Variants in WDCP observed in about 807,000 individuals in gnomAD.
The protein encoded by WDCP is WD repeat and coiled-coil-containing protein.
Under a neutral mutation model 41.6 loss-of-function variants are expected in WDCP, and 19 were observed. The ratio of observed to expected loss-of-function variants is 0.46; its 90% CI spans 0.32 to 0.67. The LOEUF (loss-of-function observed/expected upper bound fraction) is 0.67. Ranked by LOEUF, WDCP falls within the 30% of genes least tolerant of loss-of-function variation. The pLI is 0.04. For missense variants in WDCP, 802 were observed against 850.7 expected, an observed-to-expected ratio of 0.94 and a Z score of 0.71; for synonymous variants, 302 against 320.8, an observed-to-expected ratio of 0.94 and a Z score of 0.63.
Position 24,038,557 on chromosome 2 carries a change from C to A in WDCP, c.938G>T (p.Gly313Val), listed in dbSNP as rs1012009007. ...LRKKDYLTGTGQDSSHLVLVT... is the reference protein window; with the variant it reads ...LRKKDYLTGTVQDSSHLVLVT... ...AAGGACCAAATGTGAAGAATCTTGG[C>A]CAGTTCCTGTCAAGTAGTCCTTTTT... Residue 313 changes from glycine (G) to valine (V), a missense_variant, in exon 2 of 4, where the codon GGC becomes GTC. By Grantham distance (109) the Gly-to-Val change is moderately radical. This residue lies in a region of WDCP where 247 missense variants were observed against 240.5 expected (regional missense o/e 1.03). Transcript: ENST00000295148. 42 of 1,614,068 alleles carry A rather than the reference C, an allele frequency of 2.6e-5. No individual in the cohort carries two copies.
At chr2:24,034,510 C>G (rs1222269030) in intron 2 of WDCP, among the ~76,000 whole-genome samples, 2 of 151,056 alleles carry the variant, frequency 1.3e-5, no homozygotes. Flanking sequence ...TAACTACTGA[C>G]AACAGCTTGG....
chr2:24,036,532 A>G (rs543187997), intron 2 of WDCP, among the ~76,000 whole-genome samples: 7 of 152,346 alleles, frequency 4.6e-5, no homozygotes, highest in East Asian at 1.9e-4. Context: ...TGGTAACTCA[A>G]TTAAAAGTAG....
At position 24,030,807 on chromosome 2, in the gene WDCP, G is replaced by A. The variant is rs1663077803; in HGVS notation, c.*126C>T. 9.8e-6 allele frequency: 7 copies of A among 712,728 alleles called. No individual in the cohort carries two copies. In the Admixed American group the frequency reaches 1.4e-4, roughly 15 times the overall value. The allele number at this position is 712,728 out of a possible 1,614,324, so 44.2% of individuals were successfully genotyped here. A position where few individuals can be genotyped will look rare whatever the true frequency, so the allele number is the denominator to read the frequency against. On this transcript the variant is annotated 3_prime_UTR_variant, in exon 4 of 4. Coordinates refer to ENST00000295148, the MANE Select transcript of WDCP (RefSeq NM_025203.3). ...CAGGGGAAACAGGGGGAAACCAGGAGAGCCGACCATGGCAAGCGCTTCGCC... is the reference window on the plus strand; with the variant it reads ...CAGGGGAAACAGGGGGAAACCAGGAAAGCCGACCATGGCAAGCGCTTCGCC...
intron 2 of WDCP, among the ~76,000 whole-genome samples, chr2:24,034,885 G>A (rs1663197267): frequency 2.0e-5 from 3 of 151,874 alleles, no homozygotes; most frequent in Admixed American, 6.6e-5. Flanking sequence ...AAACATGGTT[G>A]TTTTAACCTT....
At chr2:24,037,395 AT>A (rs975402103) in intron 2 of WDCP, among the ~76,000 whole-genome samples, 1 of 152,042 alleles carries the variant, frequency 6.6e-6, no homozygotes, top group African/African-American at 2.4e-5. Flanking sequence ...AAATAACATG[AT>A]TTTTTTTCTA....
At position 24,038,900 on chromosome 2, in the gene WDCP, C is replaced by T. The variant is rs1222586043; in HGVS notation, c.595G>A (p.Val199Met). ...CAGACGTGGCTGTCCACATCAAACA[C>T]CAGGCAGGAGGAGCACCTGTGAAGA... is the stretch of plus-strand genomic sequence containing the variant. ...KTLHRCSSCL[V>M]FDVDSHVCSI... is the part of the protein sequence containing the mutation. The change falls in exon 2 of 4, where the codon GTG (valine) becomes ATG (methionine). Residue 199 changes from valine to methionine, a missense_variant. Val to Met is a conservative substitution (Grantham distance 21). Around this residue, in one of 5 missense-constraint regions of WDCP, gnomAD observed 214 missense variants for 252.9 expected, o/e 0.85. Transcript: ENST00000295148. 3 of 1,614,084 alleles carry T rather than the reference C, an allele frequency of 1.9e-6. No homozygotes were observed. The highest frequency in any genetic ancestry group is 1.7e-5 in the Admixed American group (1 of 60,004).
chr2:24,045,399 C>T (rs1294859051), intron 1 of WDCP, among the ~76,000 whole-genome samples: 3 of 151,624 alleles, frequency 2.0e-5, no homozygotes, highest in Non-Finnish European at 2.9e-5. Context: ...GTCAGGAGTT[C>T]GACACCACCC....
intron 2 of WDCP, among the ~76,000 whole-genome samples, chr2:24,037,289 C>T (rs1663285083): frequency 1.3e-5 from 2 of 152,210 alleles, no homozygotes; most frequent in Non-Finnish European, 2.9e-5. Context: ...TCCCAAAGTG[C>T]TAGGATTACA....
At position 24,038,907 on chromosome 2, in the gene WDCP, G is replaced by C. The variant is rs762610244; in HGVS notation, c.588C>G (p.Ser196=). 1 of 1,614,210 alleles carries C rather than the reference G, an allele frequency of 6.2e-7. No individual in the cohort carries two copies. Among genetic ancestry groups the C allele is most frequent in the South Asian group, 1.1e-5 (1 of 91,086 alleles). ...GGCTGTCCACATCAAACACCAGGCA[G>C]GAGGAGCACCTGTGAAGAGTCTTCT... ...SAQKTLHRCS[S]CLVFDVDSHV... Residue 196 remains serine (S), a synonymous_variant, in exon 2 of 4, where the codon TCC becomes TCG. Transcript: ENST00000295148.
rs1407129872 is a variant in WDCP, at chr2:24,038,301, T to C, written c.1194A>G (p.Leu398=). 23 of 1,614,072 alleles carry C rather than the reference T, an allele frequency of 1.4e-5. No homozygotes were observed. Among genetic ancestry groups the C allele is most frequent in the Non-Finnish European group, 1.9e-5 (23 of 1,180,032 alleles). The change falls in exon 2 of 4, where the codon CTA becomes CTG. Residue 398 remains leucine, a synonymous_variant. Coordinates refer to ENST00000295148, the MANE Select transcript of WDCP (RefSeq NM_025203.3). ...PKGICFLTDQ[L]LLILVGKQKL... ...TTTGTTTTCCTACCAAAATTAGTAA[T>C]AGTTGGTCTGTCAAGAAACATATCC... is the stretch of plus-strand genomic sequence containing the variant.
chr2:24,033,058 T>C (rs1663144780), intron 2 of WDCP, 112 bp from the exon 3 acceptor site: 1 of 741,336 alleles, frequency 1.3e-6, no homozygotes, highest in South Asian at 1.5e-5. Context: ...CTATTACCAC[T>C]AATCAACTGG....
Position 24,030,857 on chromosome 2 carries a change from C to A in WDCP, c.*76G>T. ...CTGAGTGCAGTGGGAGTCTCATTGG[C>A]GAGTGTCCAGTGTCAAGCAGGCCTT... On this transcript the variant is annotated 3_prime_UTR_variant, in exon 4 of 4. Transcript: ENST00000295148. 8.8e-7 allele frequency: 1 copy of A among 1,138,352 alleles called. No individual in the cohort carries two copies. The highest frequency in any genetic ancestry group is 1.4e-5 in the South Asian group (1 of 69,890). The allele number at this position is 1,138,352 out of a possible 1,614,324, so 70.5% of individuals were successfully genotyped here.
intron 1 of WDCP, among the ~76,000 whole-genome samples, chr2:24,043,769 T>C (rs1663525829): frequency 6.6e-6 from 1 of 152,250 alleles, no homozygotes. Context: ...CTTGAGAAGT[T>C]GTCTTCAGAC....
chr2:24,042,078 C>G (rs1663458911), intron 1 of WDCP, among the ~76,000 whole-genome samples: 1 of 151,908 alleles, frequency 6.6e-6, no homozygotes, highest in Admixed American at 6.6e-5. Context: ...TAAAATGTTG[C>G]AATAATAAAC....
Position 24,031,011 on chromosome 2 carries a change from A to G in WDCP, c.2088T>C (p.Ser696=). The change falls in exon 4 of 4, where the codon TCT becomes TCC. Residue 696 remains serine (S), a synonymous_variant. Coordinates refer to ENST00000295148, the MANE Select transcript of WDCP (RefSeq NM_025203.3). Reference sequence around the variant, plus strand: ...CAGCAAGGCCTGTAAAGACTTTAAGAGAAGAAACAGCACCTGGACTGTGAG... The same window carrying G: ...CAGCAAGGCCTGTAAAGACTTTAAGGGAAGAAACAGCACCTGGACTGTGAG... The part of the protein sequence containing the change: ...SFSHSPGAVS[S]LKVFTGLAAP... 1.2e-6 allele frequency: 2 copies of G among 1,614,226 alleles called. No individual in the cohort carries two copies. Among genetic ancestry groups the G allele is most frequent in the Non-Finnish European group, 1.7e-6 (2 of 1,180,042 alleles).
At chr2:24,044,026 A>C (rs1269755330) in intron 1 of WDCP, among the ~76,000 whole-genome samples, 3 of 152,216 alleles carry the variant, frequency 2.0e-5, no homozygotes, top group Non-Finnish European at 1.5e-5. Context: ...GTCTTATGAA[A>C]GATAATAATG....
At chr2:24,044,261 CT>C (rs1663541659) in intron 1 of WDCP, among the ~76,000 whole-genome samples, 1 of 149,200 alleles carries the variant, frequency 6.7e-6, no homozygotes, top group South Asian at 2.1e-4. Flanking sequence ...CATAAGTTTA[CT>C]GAGGTTTTTT....
chr2:24,041,340 CA>C (rs35390594), intron 1 of WDCP, among the ~76,000 whole-genome samples: 309 of 127,302 alleles, frequency 2.4e-3, no homozygotes, highest in East Asian at 0.017. Flanking sequence ...ACTCTATCTC[CA>C]AAAAAAAAAA....
At chr2:24,045,156 C>T (rs1422786098) in intron 1 of WDCP, among the ~76,000 whole-genome samples, 1 of 152,044 alleles carries the variant, frequency 6.6e-6, no homozygotes, top group Non-Finnish European at 1.5e-5. Flanking sequence ...GAAAGAAGGC[C>T]ATATTCAAGA....
Sources: allele counts gnomAD v4.1 joint callset (sites outside exome capture counted in the v4.1 genomes callset), GRCh38; gene constraint gnomAD v4.1.1; regional missense constraint gnomAD v4.1.1; transcripts MANE v1.5; gene names NCBI Gene and HGNC (gene_info 2026-07-23, HGNC 2026-07-21).